GALNT14: variants seen among roughly 807,000 people sequenced by gnomAD.
The protein encoded by GALNT14 is polypeptide N-acetylgalactosaminyltransferase 14, also known as UDP-GalNAc:polypeptide N-acetylgalactosaminyltransferase 14.
In GALNT14, 60 loss-of-function variants were observed where a neutral mutation model predicts 77.5. That is an observed-to-expected ratio of 0.77 (90% CI 0.63 to 0.96). The LOEUF is 0.96. Ranked by LOEUF, GALNT14 falls within the 40% of genes least tolerant of loss-of-function variation. The probability of loss-of-function intolerance (pLI) is 0.00; values close to 1 mark genes in which losing one functional copy is unlikely to be tolerated. For missense variants in GALNT14, 710 were observed against 731.0 expected (o/e 0.97, Z 0.33); for synonymous variants, 280 against 281.7 (o/e 0.99, Z 0.06).
chr2:30,977,694 T>C (rs1668722049), intron 2 of GALNT14, among the ~76,000 whole-genome samples: 1 of 152,072 alleles, frequency 6.6e-6, no homozygotes, highest in Non-Finnish European at 1.5e-5. Context: ...AATGGTCTGT[T>C]TGAGGGTCAA....
At chr2:30,910,074 G>T (rs796651070), downstream of GALNT14, among the ~76,000 whole-genome samples, 4 of 111,646 alleles carry the variant, frequency 3.6e-5, no homozygotes, top group African/African-American at 1.4e-4. Flanking sequence ...GTGGGGGGAG[G>T]GGGGAGGGAT....
chr2:30,913,486 C>T (rs1664493899), intron 13 of GALNT14, among the ~76,000 whole-genome samples: 2 of 152,192 alleles, frequency 1.3e-5, no homozygotes, highest in Admixed American at 6.5e-5. Flanking sequence ...TCTCGTTCTC[C>T]ATCTTCCCTC....
At chr2:30,979,292 G>C (rs1025212904) in intron 2 of GALNT14, among the ~76,000 whole-genome samples, 1 of 152,204 alleles carries the variant, frequency 6.6e-6, no homozygotes, top group East Asian at 1.9e-4. Flanking sequence ...AAATGGGAGT[G>C]GGGGGAGAGC....
intron 1 of GALNT14, among the ~76,000 whole-genome samples, chr2:31,089,762 A>G (rs1676637792): frequency 6.6e-6 from 1 of 152,160 alleles, no homozygotes; most frequent in African/African-American, 2.4e-5. Context: ...TAGGGAGCCC[A>G]TATTTCGTGC....
In GALNT14 at chr2:31,083,653, T is replaced by C. The variant is rs1029710259; in HGVS notation, c.129+54305A>G. ...TCTATATGCACAGTATCTGAGAAAG[T>C]TGATCAGTGGGATTGGGATCAGATC... is the stretch of plus-strand genomic sequence containing the variant. On this transcript the variant is annotated intron_variant, in intron 1 of 14. Transcript: ENST00000349752. Among the ~76,000 whole-genome samples, 11 of 152,296 alleles carry C rather than the reference T, an allele frequency of 7.2e-5. No homozygotes were observed. In the South Asian group the frequency reaches 1.7e-3, roughly 23 times the overall value.
chr2:30,917,991 T>C (rs1256182340), intron 13 of GALNT14, among the ~76,000 whole-genome samples: 1 of 152,206 alleles, frequency 6.6e-6, no homozygotes, highest in African/African-American at 2.4e-5. Flanking sequence ...CTGCAGTGAT[T>C]GTACCAACTG....
chr2:31,044,670 C>A (rs566216523), intron 1 of GALNT14, among the ~76,000 whole-genome samples: 20 of 152,166 alleles, frequency 1.3e-4, no homozygotes, highest in African/African-American at 3.1e-4. Flanking sequence ...ATAATCCCAG[C>A]GCTTTGGGAG....
chr2:30,978,897 T>C (rs770980161), intron 2 of GALNT14, among the ~76,000 whole-genome samples: 7 of 152,080 alleles, frequency 4.6e-5, no homozygotes, highest in Non-Finnish European at 7.4e-5. Flanking sequence ...AGGGTAAGCA[T>C]AGAGGATGGA....
At chr2:31,126,664 C>G (rs1196834837) in intron 1 of GALNT14, 2 of 152,200 alleles carry the variant, frequency 1.3e-5, no homozygotes, top group African/African-American at 4.8e-5. Context: ...ATTCTATTCT[C>G]TGCAATCACA....
intron 1 of GALNT14, among the ~76,000 whole-genome samples, chr2:31,117,789 C>G (rs1678184600): frequency 6.6e-6 from 1 of 152,126 alleles, no homozygotes; most frequent in Non-Finnish European, 1.5e-5. Flanking sequence ...AGCAGAAGTT[C>G]CTGCTTACAC....
chr2:31,067,342 T>C (rs1675040846), intron 1 of GALNT14, among the ~76,000 whole-genome samples: 3 of 151,960 alleles, frequency 2.0e-5, no homozygotes, highest in Admixed American at 2.0e-4. Flanking sequence ...AGAAGATGAG[T>C]GCCCCTCGTT....
At chr2:31,021,069 G>A (rs753416927) in intron 1 of GALNT14, among the ~76,000 whole-genome samples, 1 of 152,126 alleles carries the variant, frequency 6.6e-6, no homozygotes, top group African/African-American at 2.4e-5. Context: ...GGGAAGGCAG[G>A]AGCACAAATG....
At chr2:31,073,836 A>G (rs1353833076) in intron 1 of GALNT14, among the ~76,000 whole-genome samples, 1 of 152,210 alleles carries the variant, frequency 6.6e-6, no homozygotes, top group East Asian at 1.9e-4. Flanking sequence ...AAAGACTAAA[A>G]GGACACCGTT....
At chr2:31,136,321 G>C (rs957914312) in intron 1 of GALNT14, among the ~76,000 whole-genome samples, 3 of 150,428 alleles carry the variant, frequency 2.0e-5, no homozygotes, top group Admixed American at 6.6e-5. Context: ...CTCACACAAC[G>C]TGCTGTGTCA....
intron 2 of GALNT14, among the ~76,000 whole-genome samples, chr2:30,986,262 C>T (rs1180175970): frequency 2.0e-5 from 3 of 152,338 alleles, no homozygotes; most frequent in South Asian, 2.1e-4. Flanking sequence ...GAGGCTTCCC[C>T]GGCTAGAGTT....
At chr2:31,027,389 C>T (rs1311323214) in intron 1 of GALNT14, among the ~76,000 whole-genome samples, 1 of 150,428 alleles carries the variant, frequency 6.6e-6, no homozygotes, top group Non-Finnish European at 1.5e-5. Flanking sequence ...TGCACTCCAG[C>T]CTAGGCAACA....
intron 11 of GALNT14, among the ~76,000 whole-genome samples, chr2:30,925,321 A>G (rs1279100560): frequency 2.0e-4 from 31 of 152,218 alleles, no homozygotes; most frequent in Admixed American, 1.9e-3. Flanking sequence ...TGTGTCAGGC[A>G]TTGTACCCAA....
intron 8 of GALNT14, among the ~76,000 whole-genome samples, chr2:30,943,309 A>G (rs1002006711): frequency 6.6e-6 from 1 of 152,234 alleles, no homozygotes; most frequent in African/African-American, 2.4e-5. Context: ...GGAGGGGAGC[A>G]GATTCCAAGC....
At chr2:31,061,329 A>T (rs1674577747) in intron 1 of GALNT14, among the ~76,000 whole-genome samples, 1 of 152,020 alleles carries the variant, frequency 6.6e-6, no homozygotes, top group Non-Finnish European at 1.5e-5. Flanking sequence ...CGACCATCAA[A>T]TCTGTTATAG....
Sources: allele counts gnomAD v4.1 joint callset (sites outside exome capture counted in the v4.1 genomes callset), GRCh38; gene constraint gnomAD v4.1.1; transcripts MANE v1.5; gene names NCBI Gene and HGNC (gene_info 2026-07-23, HGNC 2026-07-21).